Variants in TENM1 observed in about 807,000 individuals in gnomAD.
TENM1 encodes teneurin-1.
In TENM1, 35 loss-of-function variants were observed where a neutral mutation model predicts 174.8. The observed-to-expected ratio is 0.20, with a 90% confidence interval of 0.15 to 0.27. The LOEUF (loss-of-function observed/expected upper bound fraction) is 0.27. TENM1 is among the 10% of genes least tolerant of loss of function. The pLI, the probability that TENM1 is intolerant of heterozygous loss-of-function variation, is 1.00. For missense variants in TENM1, 1,633 were observed against 2,130.1 expected (o/e 0.77, Z 4.59); for synonymous variants, 781 against 798.7 (o/e 0.98, Z 0.37).
chrX:125,023,834 C>A, the TENM1 span, among the ~76,000 whole-genome samples: 1 of 111,003 alleles, frequency 9.0e-6, no homozygotes, highest in African/African-American at 3.3e-5. Flanking sequence ...AACAATGCAT[C>A]CAACAAATGG....
At chrX:124,670,854 G>A (rs2051902198) in intron 6 of TENM1, among the ~76,000 whole-genome samples, 1 of 110,937 alleles carries the variant, frequency 9.0e-6, no homozygotes, top group Admixed American at 9.6e-5. Context: ...TGGAGGTAAG[G>A]TTTTGGTCAT....
the TENM1 span, among the ~76,000 whole-genome samples, chrX:125,120,757 T>C: frequency 1.8e-5 from 2 of 111,629 alleles, no homozygotes; most frequent in Non-Finnish European, 3.8e-5. Context: ...ATGATGAACG[T>C]GGCCTTATAA....
At chrX:124,927,458 T>C (rs944431616) in intron 1 of TENM1, among the ~76,000 whole-genome samples, 2 of 111,726 alleles carry the variant, frequency 1.8e-5, no homozygotes, top group African/African-American at 6.5e-5. Context: ...CACTGAGTGA[T>C]AGAAAAATAA....
intron 5 of TENM1, among the ~76,000 whole-genome samples, chrX:124,702,606 A>T (rs1450539108): frequency 8.9e-6 from 1 of 112,337 alleles, no homozygotes; most frequent in Admixed American, 9.5e-5. Flanking sequence ...GGATTTATTC[A>T]GTAGACTGAG....
the TENM1 span, among the ~76,000 whole-genome samples, chrX:125,151,338 A>C: frequency 8.9e-6 from 1 of 112,655 alleles, no homozygotes; most frequent in East Asian, 2.8e-4. Flanking sequence ...CTTTAAAAAT[A>C]ATGGCAAGTC....
intron 3 of TENM1, among the ~76,000 whole-genome samples, chrX:124,843,142 G>A (rs1245016592): frequency 3.6e-5 from 4 of 111,479 alleles, no homozygotes; most frequent in African/African-American, 6.5e-5. Context: ...TGTAAAAAGC[G>A]ATCATGTACT....
chrX:125,058,378 GC>G, the TENM1 span, among the ~76,000 whole-genome samples: 3 of 111,521 alleles, frequency 2.7e-5, no homozygotes, highest in Non-Finnish European at 5.7e-5. Flanking sequence ...GTATAAATTG[GC>G]CCAACTATTG....
At chrX:124,398,966 C>T (rs1375333357) in intron 27 of TENM1, among the ~76,000 whole-genome samples, 1 of 112,328 alleles carries the variant, frequency 8.9e-6, no homozygotes. Flanking sequence ...TAGAAGGAAC[C>T]CTTCTGTTCA....
exon 15 of TENM1, chrX:124,547,012 G>A: frequency 8.3e-7 from 1 of 1,211,317 alleles, no homozygotes; most frequent in South Asian, 1.8e-5. Context: ...AAGAGGATCT[G>A]GTGAGCCCTG....
intron 23 of TENM1, among the ~76,000 whole-genome samples, chrX:124,437,941 C>A (rs763413560): frequency 8.9e-6 from 1 of 112,350 alleles, no homozygotes; most frequent in Non-Finnish European, 1.9e-5. Flanking sequence ...AGCCAAATAA[C>A]TTTCTCTTTG....
chrX:124,473,737 T>A (rs1053086489), intron 22 of TENM1, among the ~76,000 whole-genome samples: 2 of 110,870 alleles, frequency 1.8e-5, no homozygotes, highest in African/African-American at 6.6e-5. Flanking sequence ...CAGGCCCCCA[T>A]TCCCTCCAGG....
intron 3 of TENM1, among the ~76,000 whole-genome samples, chrX:124,825,526 A>G (rs1203779322): frequency 1.8e-5 from 2 of 110,850 alleles, no homozygotes; most frequent in Non-Finnish European, 3.8e-5. Context: ...GATGTAAACA[A>G]TTCAGATATG....
At chrX:124,708,905 T>C (rs2052976396) in intron 4 of TENM1, among the ~76,000 whole-genome samples, 1 of 111,387 alleles carries the variant, frequency 9.0e-6, no homozygotes, top group Non-Finnish European at 1.9e-5. Flanking sequence ...ACCACAGGAA[T>C]AGTTGGTTCC....
At chrX:125,110,291 T>A in the TENM1 span, among the ~76,000 whole-genome samples, 2 of 111,569 alleles carry the variant, frequency 1.8e-5, no homozygotes, top group Middle Eastern at 4.2e-3. Flanking sequence ...GCTGTCAAAA[T>A]CTAAGTTGGG....
chrX:124,716,799 T>TATA (rs1261878672), intron 4 of TENM1, among the ~76,000 whole-genome samples: 2 of 111,605 alleles, frequency 1.8e-5, no homozygotes, highest in African/African-American at 3.3e-5. Context: ...TGGGCATGTG[T>TATA]ATAACTCCCT....
intron 7 of TENM1, among the ~76,000 whole-genome samples, chrX:124,652,469 ATAT>A (rs753763404): frequency 6.0e-4 from 67 of 112,143 alleles, no homozygotes; most frequent in Middle Eastern, 4.6e-3. Context: ...GTAATTAAAA[ATAT>A]TATAAACCTT....
chrX:124,924,595 C>T (rs1013789138), intron 1 of TENM1, among the ~76,000 whole-genome samples: 12 of 111,538 alleles, frequency 1.1e-4, no homozygotes, highest in African/African-American at 3.3e-4. Context: ...ACCTGTTCTC[C>T]CAGGGACCAT....
At chrX:124,953,442 A>G (rs780992367) in intron 1 of TENM1, among the ~76,000 whole-genome samples, 1 of 111,679 alleles carries the variant, frequency 9.0e-6, no homozygotes, top group Non-Finnish European at 1.9e-5. Flanking sequence ...CAGTCCCGCT[A>G]CTTCAGCCAT....
At chrX:124,693,145 C>A (rs1020833343) in intron 5 of TENM1, among the ~76,000 whole-genome samples, 2 of 110,154 alleles carry the variant, frequency 1.8e-5, no homozygotes, top group African/African-American at 6.6e-5. Context: ...CACTAAAAGG[C>A]CCAGAGATGA....
Sources: allele counts gnomAD v4.1 joint callset (sites outside exome capture counted in the v4.1 genomes callset), GRCh38; gene constraint gnomAD v4.1.1; transcripts MANE v1.5; gene names NCBI Gene and HGNC (gene_info 2026-07-23, HGNC 2026-07-21).